UBE2K: variants seen among roughly 807,000 people sequenced by gnomAD.
UBE2K encodes the protein ubiquitin conjugating enzyme E2 K, also known as ubiquitin-conjugating enzyme E2 K.
Under a neutral mutation model 30.0 loss-of-function variants are expected in UBE2K, and 6 were observed. That is an observed-to-expected ratio of 0.20 (90% CI 0.11 to 0.39). UBE2K has a LOEUF of 0.39. UBE2K is among the 10% of genes least tolerant of loss of function. The pLI is 1.00. For missense variants in UBE2K, 61 were observed against 241.6 expected (o/e 0.25, Z 4.96); for synonymous variants, 86 against 83.7 (o/e 1.03, Z -0.15).
chr4:39,759,124 TAC>T (rs1166836676), intron 4 of UBE2K, among the ~76,000 whole-genome samples: 2 of 152,166 alleles, frequency 1.3e-5, no homozygotes, highest in East Asian at 1.9e-4. Context: ...TAGAGAAAAA[TAC>T]AGAGTCTTAA....
At chr4:39,746,287 C>T (rs724256) in intron 3 of UBE2K, among the ~76,000 whole-genome samples, 15,833 of 152,052 alleles carry the variant, frequency 0.1, 1,092 homozygotes, top group East Asian at 0.22. Flanking sequence ...AAAAACTGAG[C>T]ATGGAATTGC....
intron 1 of UBE2K, among the ~76,000 whole-genome samples, chr4:39,706,542 A>G (rs1477033283): frequency 6.6e-6 from 1 of 150,450 alleles, no homozygotes; most frequent in African/African-American, 2.4e-5. Flanking sequence ...GCATGATCCA[A>G]GCTCACTGCA....
intron 1 of UBE2K, among the ~76,000 whole-genome samples, chr4:39,710,732 T>G (rs1718620250): frequency 6.6e-6 from 1 of 152,086 alleles, no homozygotes; most frequent in Non-Finnish European, 1.5e-5. Context: ...AAAATATTGG[T>G]GGTTATGGTA....
chr4:39,728,817 TG>T (rs1578444723), intron 1 of UBE2K, among the ~76,000 whole-genome samples: 1 of 130,126 alleles, frequency 7.7e-6, no homozygotes, highest in East Asian at 2.2e-4. Context: ...AGGTTTTTTT[TG>T]TTTTTTTTGT....
chr4:39,707,989 C>T (rs1476329549), intron 1 of UBE2K, among the ~76,000 whole-genome samples: 11 of 151,636 alleles, frequency 7.3e-5, no homozygotes, highest in African/African-American at 2.7e-4. Context: ...CTCTGCCTCC[C>T]GGGTTCAAGC....
chr4:39,711,813 G>A (rs1426855272), intron 1 of UBE2K, among the ~76,000 whole-genome samples: 1 of 151,576 alleles, frequency 6.6e-6, no homozygotes, highest in Non-Finnish European at 1.5e-5. Context: ...AAAGGCGGGC[G>A]GATCACCTGA....
intron 4 of UBE2K, among the ~76,000 whole-genome samples, chr4:39,757,390 G>A (rs1259719627): frequency 1.3e-5 from 2 of 152,142 alleles, no homozygotes; most frequent in South Asian, 2.1e-4. Context: ...AAATCAAATA[G>A]GAATGACAGT....
chr4:39,708,027 G>A (rs1032823871), intron 1 of UBE2K, among the ~76,000 whole-genome samples: 12 of 151,972 alleles, frequency 7.9e-5, no homozygotes, highest in African/African-American at 2.7e-4. Flanking sequence ...CTCCCGAGAA[G>A]CTGGGATTAC....
In UBE2K at chr4:39,754,581, G is replaced by T. The variant is rs553807341; in HGVS notation, c.217-1076G>T. ...GCTGTAGTACAGTGGCACGATCACG[G>T]CTTGCTGCAGCTCAACCTTTCAGAT... On this transcript the variant is annotated intron_variant, in intron 3 of 6. Transcript: ENST00000261427. Among the ~76,000 whole-genome samples the T allele has an allele frequency of 3.2e-4, 48 of 152,254 alleles. 1 individual carries two copies. In the South Asian group the frequency reaches 9.8e-3, roughly 31 times the overall value.
intron 4 of UBE2K, chr4:39,771,338 C>G: frequency 6.2e-7 from 1 of 1,612,580 alleles, no homozygotes; most frequent in Non-Finnish European, 8.5e-7. Context: ...ATGGTCACGT[C>G]GCAGAACCAC....
chr4:39,758,230 A>G (rs1029966267), intron 4 of UBE2K, among the ~76,000 whole-genome samples: 2 of 152,128 alleles, frequency 1.3e-5, no homozygotes, highest in Non-Finnish European at 2.9e-5. Context: ...CTGCAGATCT[A>G]TTGGCAAAAC....
At chr4:39,753,745 A>G (rs1259673608) in intron 3 of UBE2K, among the ~76,000 whole-genome samples, 1 of 152,232 alleles carries the variant, frequency 6.6e-6, no homozygotes, top group African/African-American at 2.4e-5. Flanking sequence ...GAAAAGTTTA[A>G]TATGACTTTT....
chr4:39,711,512 T>C (rs1242669422), intron 1 of UBE2K, among the ~76,000 whole-genome samples: 1 of 152,056 alleles, frequency 6.6e-6, no homozygotes, highest in Non-Finnish European at 1.5e-5. Flanking sequence ...AGTTCTTTAA[T>C]ACAGACTATA....
chr4:39,749,812 A>G (rs1472607724), intron 3 of UBE2K, among the ~76,000 whole-genome samples: 1 of 152,262 alleles, frequency 6.6e-6, no homozygotes, highest in African/African-American at 2.4e-5. Context: ...CTGTACATGC[A>G]TATTCAAAAT....
At chr4:39,762,936 CTTTTTTT>C (rs869207095) in intron 4 of UBE2K, among the ~76,000 whole-genome samples, 39 of 78,684 alleles carry the variant, frequency 5.0e-4, no homozygotes, top group African/African-American at 1.1e-3. Context: ...CCAAAAAACA[CTTTTTTT>C]TTTTTTTTTT....
Position 39,698,408 on chromosome 4 carries a change from G to A in UBE2K, c.63+18G>A. On this transcript the variant is annotated intron_variant, in intron 1 of 6. Transcript: ENST00000261427. ...GCGAGGAGGTCAGAAATGAACTCCC[G>A]GATATCCCCCACCTCTGCCTGGGGC... 6.2e-7 allele frequency: 1 copy of A among 1,604,804 alleles called. No individual in the cohort carries two copies. The highest frequency in any genetic ancestry group is 8.5e-7 in the Non-Finnish European group (1 of 1,175,778).
intron 1 of UBE2K, among the ~76,000 whole-genome samples, chr4:39,701,876 T>G (rs1370843782): frequency 1.3e-5 from 2 of 151,994 alleles, no homozygotes; most frequent in Non-Finnish European, 2.9e-5. Flanking sequence ...TTCTGCCGCC[T>G]TAGCCTCCTG....
intron 1 of UBE2K, among the ~76,000 whole-genome samples, chr4:39,717,313 A>G (rs947763688): frequency 1.3e-5 from 2 of 149,786 alleles, no homozygotes; most frequent in African/African-American, 4.9e-5. Context: ...GGCTCATTGC[A>G]ACCTCCATCT....
At chr4:39,720,918 T>A (rs1452061476) in intron 1 of UBE2K, among the ~76,000 whole-genome samples, 1 of 152,144 alleles carries the variant, frequency 6.6e-6, no homozygotes, top group Non-Finnish European at 1.5e-5. Context: ...TAATTATTTT[T>A]AAATTATTTG....
Sources: allele counts gnomAD v4.1 joint callset (sites outside exome capture counted in the v4.1 genomes callset), GRCh38; gene constraint gnomAD v4.1.1; transcripts MANE v1.5; gene names NCBI Gene and HGNC (gene_info 2026-07-23, HGNC 2026-07-21).